Variants in MTMR8 observed in about 807,000 individuals in gnomAD.
MTMR8 encodes the protein phosphatidylinositol-3,5-bisphosphate 3-phosphatase MTMR8.
Under a neutral mutation model 39.3 loss-of-function variants are expected in MTMR8, and 65 were observed. The ratio of observed to expected loss-of-function variants is 1.65; its 90% CI spans 1.35 to 2.03. MTMR8 has a LOEUF of 2.03. Among genes scored for constraint, MTMR8 ranks in the 30% most tolerant of loss-of-function variants. The pLI is 0.00. For synonymous variants in MTMR8, 245 were observed against 185.2 expected (o/e 1.32, Z -2.62); for missense variants, 777 against 538.9 (o/e 1.44, Z -4.37).
intron 1 of MTMR8, among the ~76,000 whole-genome samples, chrX:64,371,846 T>C (rs1245094311): frequency 1.8e-5 from 2 of 110,593 alleles, no homozygotes; most frequent in Non-Finnish European, 3.8e-5. Context: ...AGATAAATAA[T>C]ACTATGGTTC....
chrX:64,348,553 C>G lies in MTMR8; in HGVS notation c.732+107G>C, dbSNP rs780787916. On this transcript the variant is annotated intron_variant, in intron 6 of 13. Coordinates refer to ENST00000374852, the MANE Select transcript of MTMR8 (RefSeq NM_017677.4). ...TTTACACAATGTCTGACATAATAAA[C>G]ACACATACACAAACCTAACTTTCCC... The G allele has an allele frequency of 1.7e-5, 16 of 946,059 alleles. No homozygotes were observed. In the African/African-American group the frequency reaches 2.5e-4, roughly 15 times the overall value. 78.0% of individuals were successfully genotyped at this position (946,059 alleles called of 1,213,427 possible).
chrX:64,269,347 A>T (rs1446336106), intron 13 of MTMR8, among the ~76,000 whole-genome samples: 1 of 111,880 alleles, frequency 8.9e-6, no homozygotes, highest in Admixed American at 9.5e-5. Context: ...GAATACCTCT[A>T]TGTGCTAGGC....
intron 12 of MTMR8, among the ~76,000 whole-genome samples, chrX:64,273,435 A>G (rs1931807105): frequency 9.1e-6 from 1 of 110,292 alleles, no homozygotes; most frequent in Non-Finnish European, 1.9e-5. Flanking sequence ...GTTAAAAAAA[A>G]AAGAAAGAAG....
chrX:64,321,210 C>T (rs1922635586), intron 12 of MTMR8, among the ~76,000 whole-genome samples: 1 of 111,145 alleles, frequency 9.0e-6, no homozygotes, highest in Non-Finnish European at 1.9e-5. Flanking sequence ...ATAGGAAAAA[C>T]AATTAATAGA....
chrX:64,288,784 C>T (rs1032742709), intron 12 of MTMR8, among the ~76,000 whole-genome samples: 4 of 110,416 alleles, frequency 3.6e-5, no homozygotes, highest in African/African-American at 1.3e-4. Context: ...ACCCAAACAC[C>T]GCATGTTGTC....
chrX:64,295,772 T>G (rs909213239), intron 12 of MTMR8, among the ~76,000 whole-genome samples: 6 of 111,371 alleles, frequency 5.4e-5, no homozygotes, highest in African/African-American at 2.0e-4. Flanking sequence ...TCATACCCAC[T>G]AGGATGGATA....
In MTMR8 at chrX:64,337,356, C is replaced by A. The variant is rs1414465352; in HGVS notation, c.1013G>T (p.Cys338Phe). 2 of 1,207,926 alleles carry A rather than the reference C, an allele frequency of 1.7e-6. No homozygotes were observed. Among genetic ancestry groups the A allele is most frequent in the African/African-American group, 3.5e-5 (2 of 56,975 alleles). Residue 338 changes from cysteine (C) to phenylalanine (F), a missense_variant, in exon 9 of 14, where the codon TGT becomes TTT. By Grantham distance (205) the Cys-to-Phe change is radical (BLOSUM62 -2). Transcript: ENST00000374852. Reference protein sequence around the residue: ...KVEKASVLVHCSDGWDRTAQV... With the variant: ...KVEKASVLVHFSDGWDRTAQV... ...TGCTGTGCGGTCCCATCCATCAGAA[C>A]AATGGACTAAGACACTGGCCTTTTC...
intron 12 of MTMR8, among the ~76,000 whole-genome samples, chrX:64,297,809 G>A (rs909222643): frequency 1.8e-5 from 2 of 111,179 alleles, no homozygotes; most frequent in African/African-American, 6.6e-5. Context: ...TGACTAGACA[G>A]TTTCCCCAGC....
intron 12 of MTMR8, among the ~76,000 whole-genome samples, chrX:64,297,211 T>C (rs1392000297): frequency 1.1e-5 from 1 of 92,285 alleles, no homozygotes; most frequent in African/African-American, 4.0e-5. Context: ...TGTAAAAGTG[T>C]TCCTATTTCT....
At chrX:64,301,120 G>T (rs1177183664) in intron 12 of MTMR8, among the ~76,000 whole-genome samples, 3 of 107,801 alleles carry the variant, frequency 2.8e-5, no homozygotes, top group Non-Finnish European at 5.8e-5. Context: ...CTGAACGTTG[G>T]CCTGCCTTGC....
chrX:64,308,658 ATT>A (rs1371849191), intron 12 of MTMR8, among the ~76,000 whole-genome samples: 3 of 111,106 alleles, frequency 2.7e-5, no homozygotes, highest in African/African-American at 9.8e-5. Context: ...CTACATAACG[ATT>A]AATAATACCA....
intron 1 of MTMR8, among the ~76,000 whole-genome samples, chrX:64,380,899 C>G (rs2147245636): frequency 8.9e-6 from 1 of 111,759 alleles, no homozygotes; most frequent in African/African-American, 3.3e-5. Context: ...CCAGCTTCAT[C>G]CATGACCCTA....
intron 1 of MTMR8, among the ~76,000 whole-genome samples, chrX:64,366,198 G>A (rs1261111382): frequency 3.6e-5 from 4 of 111,380 alleles, no homozygotes; most frequent in African/African-American, 9.8e-5. Context: ...ACAGATCAAC[G>A]AGACAGAAGG....
At chrX:64,390,489 C>T (rs913075091) in intron 1 of MTMR8, among the ~76,000 whole-genome samples, 2 of 111,899 alleles carry the variant, frequency 1.8e-5, no homozygotes, top group African/African-American at 6.5e-5. Flanking sequence ...AATGCTACCT[C>T]TGCTACTTGC....
chrX:64,389,173 C>A (rs1405101227), intron 1 of MTMR8, among the ~76,000 whole-genome samples: 1 of 111,489 alleles, frequency 9.0e-6, no homozygotes, highest in Non-Finnish European at 1.9e-5. Flanking sequence ...TAGTACCTGG[C>A]ACATAGCAAT....
chrX:64,296,836 T>A (rs1227420139), intron 12 of MTMR8, among the ~76,000 whole-genome samples: 2 of 98,997 alleles, frequency 2.0e-5, no homozygotes, highest in Non-Finnish European at 4.0e-5. Flanking sequence ...CGGTGTTTGG[T>A]TTTTTGTTCT....
chrX:64,319,998 A>G (rs1195144789), intron 12 of MTMR8, among the ~76,000 whole-genome samples: 1 of 111,078 alleles, frequency 9.0e-6, no homozygotes, highest in Non-Finnish European at 1.9e-5. Context: ...CTTGGGCAGT[A>G]TGGCCATTTT....
At chrX:64,321,193 C>T (rs1922635090) in intron 12 of MTMR8, among the ~76,000 whole-genome samples, 2 of 110,975 alleles carry the variant, frequency 1.8e-5, no homozygotes, top group African/African-American at 6.6e-5. Flanking sequence ...AAACGTATGC[C>T]CCATTCATAG....
chrX:64,370,425 G>T (rs1397102666), intron 1 of MTMR8, among the ~76,000 whole-genome samples: 2 of 109,773 alleles, frequency 1.8e-5, no homozygotes, highest in Non-Finnish European at 3.8e-5. Flanking sequence ...AAAATCCCTA[G>T]CCCAATGATC....
Sources: gnomAD v4.1 joint callset for allele counts (sites outside exome capture counted in the v4.1 genomes callset) on GRCh38, gnomAD v4.1.1 for gene constraint, MANE v1.5 for transcripts, NCBI Gene and HGNC (gene_info 2026-07-23, HGNC 2026-07-21) for gene names.